Variants in PCNX2 observed in about 807,000 individuals in gnomAD.
The protein encoded by PCNX2 is pecanex 2, also known as pecanex-like protein 2.
Under a neutral mutation model 223.8 loss-of-function variants are expected in PCNX2, and 168 were observed. The observed-to-expected ratio is 0.75, with a 90% CI of 0.66 to 0.85. The LOEUF (loss-of-function observed/expected upper bound fraction) is 0.85, where lower values mean the gene tolerates loss of function less well. PCNX2 is among the 40% of genes least tolerant of loss of function. PCNX2 has a pLI of 0.00. For synonymous variants in PCNX2, 1,006 were observed against 1,052.6 expected (o/e 0.96, Z 0.86); for missense variants, 2,507 against 2,675.5 (o/e 0.94, Z 1.39).
intron 26 of PCNX2, 68 bp downstream of exon 26, chr1:233,025,078 A>G: frequency 6.3e-7 from 1 of 1,579,116 alleles, no homozygotes. Flanking sequence ...CTTTCGACAG[A>G]GCTCTTTCGG....
At chr1:233,315,476 T>G in the PCNX2 span, among the ~76,000 whole-genome samples, 6 of 152,354 alleles carry the variant, frequency 3.9e-5, no homozygotes, top group East Asian at 1.2e-3. Flanking sequence ...TTAATATTAG[T>G]CTAATTTTAT....
intron 23 of PCNX2, among the ~76,000 whole-genome samples, chr1:233,059,431 C>T (rs1327391604): frequency 2.6e-5 from 4 of 152,162 alleles, no homozygotes; most frequent in South Asian, 4.1e-4. Flanking sequence ...CCCATTCTCA[C>T]GGCGGATGAG....
chr1:233,184,475 T>G (rs1679982585), intron 15 of PCNX2, among the ~76,000 whole-genome samples: 2 of 152,190 alleles, frequency 1.3e-5, no homozygotes, highest in Admixed American at 1.3e-4. Flanking sequence ...GGATGGTCTT[T>G]GCTGACAATA....
intron 9 of PCNX2, among the ~76,000 whole-genome samples, chr1:233,230,644 A>G (rs1658007071): frequency 6.6e-6 from 1 of 152,214 alleles, no homozygotes; most frequent in Non-Finnish European, 1.5e-5. Flanking sequence ...TCTGAGAAAG[A>G]GCTTAGGAAA....
At chr1:233,257,881 C>G in intron 5 of PCNX2, 147 bp downstream of exon 5, 1 of 1,092,712 alleles carries the variant, frequency 9.2e-7, no homozygotes, top group Non-Finnish European at 1.3e-6. Context: ...TCGGTACATT[C>G]AGCAAATATT....
chr1:233,105,542 A>C (rs1200671529), intron 21 of PCNX2, among the ~76,000 whole-genome samples: 1 of 152,210 alleles, frequency 6.6e-6, no homozygotes, highest in Non-Finnish European at 1.5e-5. Context: ...TTACTAAGGG[A>C]GACTAAAATA....
chr1:233,010,499 C>T (rs1277640638), intron 28 of PCNX2, among the ~76,000 whole-genome samples: 3 of 152,218 alleles, frequency 2.0e-5, no homozygotes, highest in Non-Finnish European at 2.9e-5. Flanking sequence ...CTCCTAACCT[C>T]GAAGGATGGA....
At chr1:233,105,591 C>G (rs573000906) in intron 21 of PCNX2, among the ~76,000 whole-genome samples, 46 of 152,178 alleles carry the variant, frequency 3.0e-4, no homozygotes, top group African/African-American at 1.1e-3. Flanking sequence ...TAGTTTATCA[C>G]CTGTGAAGTA....
At chr1:233,261,994 T>G in intron 3 of PCNX2, 51 bp downstream of exon 3, 1 of 1,607,766 alleles carries the variant, frequency 6.2e-7, no homozygotes, top group South Asian at 1.1e-5. Context: ...CTAGGTGAGA[T>G]CAACATCGAA....
intron 21 of PCNX2, among the ~76,000 whole-genome samples, chr1:233,110,509 C>T (rs1324255630): frequency 6.6e-6 from 1 of 152,214 alleles, no homozygotes; most frequent in Non-Finnish European, 1.5e-5. Context: ...AATAGGCCTA[C>T]ACTCAAGAGC....
intron 12 of PCNX2, among the ~76,000 whole-genome samples, chr1:233,212,685 A>T (rs1271132556): frequency 6.6e-6 from 1 of 152,268 alleles, no homozygotes; most frequent in African/African-American, 2.4e-5. Context: ...AGAGAGCAGT[A>T]AGAGTGGTGA....
chr1:233,127,064 G>C (rs1179878195), intron 21 of PCNX2, among the ~76,000 whole-genome samples: 2 of 152,054 alleles, frequency 1.3e-5, no homozygotes, highest in East Asian at 1.9e-4. Flanking sequence ...TTGGATGATT[G>C]CAATAATTTC....
At chr1:233,267,354 A>C (rs1272737112) in intron 1 of PCNX2, among the ~76,000 whole-genome samples, 4 of 152,200 alleles carry the variant, frequency 2.6e-5, no homozygotes, top group Non-Finnish European at 5.9e-5. Flanking sequence ...CTTTTGTTTT[A>C]CTGTGGTAAA....
chr1:233,218,474 T>A lies in PCNX2; in HGVS notation c.2505-290A>T, dbSNP rs369238031. On this transcript the variant is annotated intron_variant, in intron 10 of 33. Coordinates refer to ENST00000258229, the MANE Select transcript of PCNX2 (RefSeq NM_014801.4). ...ACAATGTTAGTCAGGATGGTCTTGA[T>A]CTCCTGACCTCATGATCTGCCCTCC... Among the ~76,000 whole-genome samples the A allele has an allele frequency of 3.9e-5, 6 of 152,078 alleles. No homozygotes were observed. The South Asian group carries it at 1.2e-3, about 32-fold the overall frequency.
chr1:233,083,528 C>T (rs188175758), intron 23 of PCNX2, among the ~76,000 whole-genome samples: 1 of 152,140 alleles, frequency 6.6e-6, no homozygotes, highest in African/African-American at 2.4e-5. Flanking sequence ...GAGGGGCTAC[C>T]GTAATTCCTA....
At chr1:233,120,202 G>GAA (rs148327443) in intron 21 of PCNX2, among the ~76,000 whole-genome samples, 24 of 127,070 alleles carry the variant, frequency 1.9e-4, no homozygotes, top group Admixed American at 1.3e-3. Context: ...AAAGAAAAAA[G>GAA]AAAAAAAAAG....
chr1:233,223,608 C>T (rs1657523467), intron 10 of PCNX2, among the ~76,000 whole-genome samples: 1 of 152,122 alleles, frequency 6.6e-6, no homozygotes, highest in Admixed American at 6.5e-5. Context: ...GCTCTCCCTG[C>T]CCTTGTCCCC....
intron 21 of PCNX2, among the ~76,000 whole-genome samples, chr1:233,111,262 T>G (rs1675099623): frequency 1.3e-5 from 2 of 152,184 alleles, no homozygotes; most frequent in African/African-American, 4.8e-5. Flanking sequence ...AGCAGACTGG[T>G]GCCTACCTAC....
chr1:233,088,340 T>C (rs955194168), intron 23 of PCNX2, among the ~76,000 whole-genome samples: 11 of 152,198 alleles, frequency 7.2e-5, no homozygotes, highest in Non-Finnish European at 1.5e-4. Flanking sequence ...AAGTTTTAAG[T>C]ATGTTGTACT....
Sources: allele counts gnomAD v4.1 joint callset (sites outside exome capture counted in the v4.1 genomes callset), GRCh38; gene constraint gnomAD v4.1.1; transcripts MANE v1.5; gene names NCBI Gene and HGNC (gene_info 2026-07-23, HGNC 2026-07-21).